TMEM51: variants seen among roughly 807,000 people sequenced by gnomAD.
The protein encoded by TMEM51 is chromosome 1 open reading frame 72.
TMEM51 carries 8 observed loss-of-function variants against 13.6 expected under a neutral mutation model. That is an observed-to-expected ratio of 0.59 (90% CI 0.35 to 1.07). The LOEUF is 1.07. Among genes scored for constraint, TMEM51 ranks in the 50% least tolerant of loss-of-function variants. The pLI is 0.02. For synonymous variants in TMEM51, 147 were observed against 144.4 expected (o/e 1.02, Z -0.13); for missense variants, 279 against 330.7 (o/e 0.84, Z 1.21).
In TMEM51 at chr1:15,177,284, C is replaced by T. The variant is rs12092473; in HGVS notation, c.-267+23330C>T. On this transcript the variant is annotated intron_variant, in intron 1 of 3. Transcript: ENST00000376008. ...GACACTTCCATGGGCCAGATATAGTCCTGGAGCTGCCAGTTTGAAACCAGA... is the reference window on the plus strand; with the variant it reads ...GACACTTCCATGGGCCAGATATAGTTCTGGAGCTGCCAGTTTGAAACCAGA... Among the ~76,000 whole-genome samples, 305 of 152,276 alleles carry T rather than the reference C, an allele frequency of 2.0e-3. 1 individual carries two copies. The highest frequency in any genetic ancestry group is 7.1e-3 in the African/African-American group (293 of 41,538).
chr1:15,177,092 T>A (rs1352695824), intron 1 of TMEM51, among the ~76,000 whole-genome samples: 2 of 151,846 alleles, frequency 1.3e-5, no homozygotes, highest in Admixed American at 6.6e-5. Context: ...CAAAGTGGGG[T>A]GCCAAGCCCC....
intron 2 of TMEM51, among the ~76,000 whole-genome samples, chr1:15,214,674 T>C (rs1644395012): frequency 6.6e-6 from 1 of 152,212 alleles, no homozygotes; most frequent in South Asian, 2.1e-4. Flanking sequence ...GCTTTTCCTT[T>C]TCAGGGAGTA....
chr1:15,181,261 C>A (rs1219402139), intron 1 of TMEM51, among the ~76,000 whole-genome samples: 1 of 152,192 alleles, frequency 6.6e-6, no homozygotes, highest in Non-Finnish European at 1.5e-5. Context: ...ACCTTTTGTA[C>A]TTGTCTGCTG....
At chr1:15,165,142 A>G (rs757235653) in intron 1 of TMEM51, among the ~76,000 whole-genome samples, 1 of 152,112 alleles carries the variant, frequency 6.6e-6, no homozygotes, top group Admixed American at 6.6e-5. Context: ...GCCCTAGTTG[A>G]GAAATGGGCT....
intron 1 of TMEM51, among the ~76,000 whole-genome samples, chr1:15,165,406 T>G (rs1642960183): frequency 6.6e-6 from 1 of 152,212 alleles, no homozygotes; most frequent in Non-Finnish European, 1.5e-5. Flanking sequence ...ATTAAAACAA[T>G]GCCGTCTTTC....
At chr1:15,211,917 T>C (rs530099741) in intron 2 of TMEM51, among the ~76,000 whole-genome samples, 37 of 148,506 alleles carry the variant, frequency 2.5e-4, no homozygotes, top group African/African-American at 8.7e-4. Context: ...CCAGGCTTTT[T>C]CCCATATATT....
intron 1 of TMEM51, among the ~76,000 whole-genome samples, chr1:15,183,413 C>T (rs1241529303): frequency 6.6e-6 from 1 of 152,184 alleles, no homozygotes; most frequent in African/African-American, 2.4e-5. Context: ...CCCGATTCTG[C>T]CGATTACCAG....
At chr1:15,195,198 G>A (rs1382780619) in intron 1 of TMEM51, among the ~76,000 whole-genome samples, 1 of 152,032 alleles carries the variant, frequency 6.6e-6, no homozygotes, top group Admixed American at 6.6e-5. Context: ...CTCCCAAAGT[G>A]CTGGGATTAC....
chr1:15,216,596 C>T (rs942773843), intron 3 of TMEM51, among the ~76,000 whole-genome samples: 3 of 152,022 alleles, frequency 2.0e-5, no homozygotes, highest in Admixed American at 1.3e-4. Context: ...TGAAGATGTG[C>T]GTATTGATCC....
chr1:15,159,361 C>G (rs892646540), intron 1 of TMEM51, among the ~76,000 whole-genome samples: 1 of 152,160 alleles, frequency 6.6e-6, no homozygotes, highest in Non-Finnish European at 1.5e-5. Context: ...CGACTCAAAA[C>G]ACACGTTCAC....
chr1:15,174,893 T>G (rs1177036336), intron 1 of TMEM51, among the ~76,000 whole-genome samples: 1 of 152,136 alleles, frequency 6.6e-6, no homozygotes, highest in Non-Finnish European at 1.5e-5. Context: ...CTTCATGACC[T>G]CATCTAACCT....
chr1:15,168,826 C>T (rs1321734245), intron 1 of TMEM51: 2 of 1,257,634 alleles, frequency 1.6e-6, no homozygotes, highest in Non-Finnish European at 1.0e-6. Flanking sequence ...GAGTCAGAGC[C>T]ATATCCGGCT....
chr1:15,154,256 C>T (rs1460793388), intron 1 of TMEM51, among the ~76,000 whole-genome samples: 2 of 152,240 alleles, frequency 1.3e-5, no homozygotes, highest in African/African-American at 4.8e-5. Context: ...GCTATCCGCC[C>T]GGCGGGCTTC....
chr1:15,169,548 C>T (rs1023191884), intron 1 of TMEM51, among the ~76,000 whole-genome samples: 2 of 152,174 alleles, frequency 1.3e-5, no homozygotes, highest in African/African-American at 4.8e-5. Context: ...AAAAGCTGAT[C>T]GCCCTTCCAC....
At chr1:15,182,442 A>C (rs1255852425) in intron 1 of TMEM51, among the ~76,000 whole-genome samples, 1 of 152,194 alleles carries the variant, frequency 6.6e-6, no homozygotes, top group Non-Finnish European at 1.5e-5. Context: ...TTATGTGATC[A>C]TCAGTATACC....
intron 1 of TMEM51, among the ~76,000 whole-genome samples, chr1:15,160,527 G>C (rs976237299): frequency 1.3e-5 from 2 of 151,994 alleles, no homozygotes; most frequent in Admixed American, 1.3e-4. Flanking sequence ...ACCTGCCTCA[G>C]CCTCTCAAAG....
intron 1 of TMEM51, among the ~76,000 whole-genome samples, chr1:15,187,045 C>T (rs1643800052): frequency 6.6e-6 from 1 of 152,146 alleles, no homozygotes; most frequent in Non-Finnish European, 1.5e-5. Context: ...CATCTCTACA[C>T]AAAACCTGCA....
chr1:15,168,769 G>A (rs1643127062), intron 1 of TMEM51: 4 of 1,302,040 alleles, frequency 3.1e-6, no homozygotes, highest in Non-Finnish European at 4.0e-6. Flanking sequence ...CCCACAAGAG[G>A]GCTTCAGGCT....
intron 1 of TMEM51, among the ~76,000 whole-genome samples, chr1:15,193,822 G>T (rs1002970333): frequency 6.6e-6 from 1 of 152,198 alleles, no homozygotes; most frequent in African/African-American, 2.4e-5. Context: ...CTCCCAGAGT[G>T]CTGGGATTAC....
Sources: gnomAD v4.1 joint callset for allele counts (sites outside exome capture counted in the v4.1 genomes callset) on GRCh38, gnomAD v4.1.1 for gene constraint, MANE v1.5 for transcripts, NCBI Gene and HGNC (gene_info 2026-07-23, HGNC 2026-07-21) for gene names.